The following PRELID2 variants were observed in gnomAD, a reference collection of about 807,000 sequenced individuals.
PRELID2 encodes the protein PRELI domain containing 2, also known as PRELI domain-containing protein 2.
PRELID2 carries 25 observed loss-of-function variants against 28.4 expected under a neutral mutation model. The observed-to-expected ratio is 0.88, with a 90% CI of 0.64 to 1.23. PRELID2 has a LOEUF of 1.23. Ranked by LOEUF, PRELID2 falls within the 50% of genes most tolerant of loss-of-function variation. PRELID2 has a pLI of 0.00. For synonymous variants in PRELID2, 76 were observed against 71.6 expected (o/e 1.06, Z -0.31); for missense variants, 201 against 214.4 (o/e 0.94, Z 0.39).
At chr5:145,373,276 T>C in the PRELID2 span, among the ~76,000 whole-genome samples, 43 of 48,154 alleles carry the variant, frequency 8.9e-4, no homozygotes, top group East Asian at 6.3e-3. Flanking sequence ...ATAATATATA[T>C]GATATATATT....
At chr5:145,323,538 G>T in the PRELID2 span, among the ~76,000 whole-genome samples, 1 of 152,106 alleles carries the variant, frequency 6.6e-6, no homozygotes, top group Non-Finnish European at 1.5e-5. Context: ...TGTTGTGGGG[G>T]GTTTGGTGTA....
intron 5 of PRELID2, among the ~76,000 whole-genome samples, chr5:145,790,721 G>GTGTGTGTGTGTGTATATATATATATA (rs772901344): frequency 9.0e-6 from 1 of 110,908 alleles, no homozygotes; most frequent in Non-Finnish European, 1.9e-5. Flanking sequence ...GTGTGTGTGT[G>GTGTGTGTGTGTGTATATATATATATA]TATATATATA....
intron 1 of PRELID2, among the ~76,000 whole-genome samples, chr5:145,505,972 G>C (rs371203804): frequency 2.6e-5 from 4 of 152,192 alleles, no homozygotes; most frequent in African/African-American, 9.7e-5. Context: ...AAATAGAATG[G>C]TGGTTTCCAG....
the PRELID2 span, among the ~76,000 whole-genome samples, chr5:145,258,974 C>G: frequency 6.6e-6 from 1 of 152,176 alleles, no homozygotes; most frequent in Non-Finnish European, 1.5e-5. Context: ...TTGCTTCTTG[C>G]ATCCCAGTCA....
chr5:145,695,466 T>A (rs1379964585), intron 1 of PRELID2, among the ~76,000 whole-genome samples: 1 of 152,186 alleles, frequency 6.6e-6, no homozygotes, highest in African/African-American at 2.4e-5. Flanking sequence ...ACTATATCAC[T>A]TTTTTAGAAG....
At chr5:145,656,901 T>C (rs1754405984) in intron 1 of PRELID2, among the ~76,000 whole-genome samples, 1 of 152,080 alleles carries the variant, frequency 6.6e-6, no homozygotes, top group Non-Finnish European at 1.5e-5. Context: ...TAAAGTATGA[T>C]AAAAAATAAA....
chr5:145,364,997 A>C, the PRELID2 span, among the ~76,000 whole-genome samples: 1 of 151,856 alleles, frequency 6.6e-6, no homozygotes, highest in Non-Finnish European at 1.5e-5. Context: ...TTATTGACTG[A>C]CTCTTGCTCT....
chr5:145,367,651 T>C, the PRELID2 span, among the ~76,000 whole-genome samples: 2 of 151,976 alleles, frequency 1.3e-5, no homozygotes, highest in Non-Finnish European at 1.5e-5. Flanking sequence ...ACTGATCTTT[T>C]TACTGTCTTC....
At chr5:145,522,351 A>G (rs1404613574) in intron 1 of PRELID2, among the ~76,000 whole-genome samples, 1 of 152,034 alleles carries the variant, frequency 6.6e-6, no homozygotes, top group East Asian at 1.9e-4. Context: ...AGCTTCTGCA[A>G]TGTGTTTTAT....
the PRELID2 span, among the ~76,000 whole-genome samples, chr5:145,277,188 T>C: frequency 6.6e-6 from 1 of 152,256 alleles, no homozygotes; most frequent in East Asian, 1.9e-4. Flanking sequence ...GTCCCAGCAG[T>C]AACACAGGGA....
chr5:145,422,536 T>C, the PRELID2 span, among the ~76,000 whole-genome samples: 1 of 152,168 alleles, frequency 6.6e-6, no homozygotes, highest in African/African-American at 2.4e-5. Context: ...GTCTGTTTTA[T>C]CAGAGACTAG....
rs370869845 is a variant in PRELID2 at position 145,479,838 on chromosome 5, T to A, written n.71-6523A>T. Among the ~76,000 whole-genome samples the A allele has an allele frequency of 2.5e-3, 375 of 152,062 alleles. 1 individual carries two copies. The highest frequency in any genetic ancestry group is 4.8e-3 in the Admixed American group (74 of 15,282). ...TGGTTCATTGTCATTTTCTTCCTCA[T>A]AGATGACAAAAAAGGGGGGTAAGAT... is the stretch of plus-strand genomic sequence containing the variant. On this transcript the variant is annotated intron_variant and non_coding_transcript_variant, in intron 1 of 2. Transcript: ENST00000510259.
At chr5:145,707,377 G>C (rs1166908803) in intron 1 of PRELID2, among the ~76,000 whole-genome samples, 1 of 152,160 alleles carries the variant, frequency 6.6e-6, no homozygotes, top group Non-Finnish European at 1.5e-5. Flanking sequence ...TTTGGAATCT[G>C]AGTGCGCCAG....
chr5:145,435,111 C>G, the PRELID2 span, among the ~76,000 whole-genome samples: 1 of 152,290 alleles, frequency 6.6e-6, no homozygotes, highest in South Asian at 2.1e-4. Flanking sequence ...GTGGGCAAGA[C>G]AAAACCTTCA....
the PRELID2 span, among the ~76,000 whole-genome samples, chr5:145,342,974 T>A: frequency 6.7e-6 from 1 of 150,304 alleles, no homozygotes; most frequent in Non-Finnish European, 1.5e-5. Flanking sequence ...AATAAAACAA[T>A]TTTTAATATA....
intron 1 of PRELID2, among the ~76,000 whole-genome samples, chr5:145,693,247 A>G (rs1755187108): frequency 6.6e-6 from 1 of 150,832 alleles, no homozygotes; most frequent in African/African-American, 2.5e-5. Context: ...TCCTGGGCTT[A>G]AGTGATCCTT....
rs1226089870 is a variant in PRELID2, at chr5:145,729,144, T to G, written n.70+35787A>C. 3 of 616,420 alleles carry G rather than the reference T, an allele frequency of 4.9e-6. No individual in the cohort carries two copies. The African/African-American group carries it at 5.6e-5, about 11-fold the overall frequency. The allele number at this position is 616,420 out of a possible 1,614,324, so 38.2% of individuals were successfully genotyped here. ...GAGTACTCAGCTTTCCCACTGAGCT[T>G]CTTTGACTTTTGTCAAGTCCTTCAA... On this transcript the variant is annotated intron_variant and non_coding_transcript_variant, in intron 1 of 2. Transcript: ENST00000510259.
chr5:145,251,473 T>G, the PRELID2 span, among the ~76,000 whole-genome samples: 1,203 of 151,646 alleles, frequency 7.9e-3, 12 homozygotes, highest in African/African-American at 0.027. Context: ...CTCAGTGTAA[T>G]GATTTCTAAC....
intron 1 of PRELID2, among the ~76,000 whole-genome samples, chr5:145,478,403 C>T (rs530109666): frequency 2.3e-4 from 35 of 151,966 alleles, no homozygotes; most frequent in Admixed American, 3.9e-4. Flanking sequence ...AAAGATTAGC[C>T]GGGCATGGTG....
Sources: gnomAD v4.1 joint callset for allele counts (sites outside exome capture counted in the v4.1 genomes callset) on GRCh38, gnomAD v4.1.1 for gene constraint, MANE v1.5 for transcripts, NCBI Gene and HGNC (gene_info 2026-07-23, HGNC 2026-07-21) for gene names.